DPYSL5: variants seen among roughly 807,000 people sequenced by gnomAD.
DPYSL5 encodes dihydropyrimidinase-related protein 5.
DPYSL5 carries 9 observed loss-of-function variants against 58.4 expected under a neutral mutation model. The observed-to-expected ratio is 0.15, with a 90% CI of 0.09 to 0.27. DPYSL5 has a LOEUF of 0.27. Among genes scored for constraint, DPYSL5 ranks in the 10% least tolerant of loss-of-function variants. The pLI, the probability that DPYSL5 is intolerant of heterozygous loss-of-function variation, is 1.00. For missense variants in DPYSL5, 499 were observed against 770.6 expected (o/e 0.65, Z 4.17); for synonymous variants, 293 against 301.9 (o/e 0.97, Z 0.31).
chr2:26,939,989 A>G, intron 8 of DPYSL5, 42 bp from the exon 9 acceptor site: 1 of 1,610,586 alleles, frequency 6.2e-7, no homozygotes, highest in Non-Finnish European at 8.5e-7. Context: ...TAAGTTCCTC[A>G]CCTCCCCTCC....
rs1413212270 is a variant in DPYSL5, at chr2:26,948,746, ACTGAGGAGG to A, written c.*1758_*1766del. The A allele has an allele frequency of 6.6e-6, 1 of 152,520 alleles. No individual in the cohort carries two copies. The highest frequency in any genetic ancestry group is 1.5e-5 in the Non-Finnish European group (1 of 68,298). 9.4% of individuals were successfully genotyped at this position (152,520 alleles called of 1,614,324 possible). The stretch of plus-strand genomic sequence containing the variant: ...GTGGCGGGCGCCTGTAGTCCCAGCT[ACTGAGGAGG>A]CTGAGGCAGGAGAATAGCGTGAACC... On this transcript the variant is annotated 3_prime_UTR_variant, in exon 13 of 13. Transcript: ENST00000288699.
chr2:26,897,915 G>A (rs554660843), intron 1 of DPYSL5, among the ~76,000 whole-genome samples: 2 of 152,206 alleles, frequency 1.3e-5, no homozygotes, highest in East Asian at 1.9e-4. Flanking sequence ...TGGACTTCTT[G>A]AAGCCAAAAT....
At chr2:26,906,047 A>G (rs543575041) in intron 2 of DPYSL5, among the ~76,000 whole-genome samples, 1 of 152,080 alleles carries the variant, frequency 6.6e-6, no homozygotes, top group South Asian at 2.1e-4. Flanking sequence ...CCTGGGGCGG[A>G]TCTCAGTGCC....
intron 1 of DPYSL5, among the ~76,000 whole-genome samples, chr2:26,861,840 C>T (rs1666026041): frequency 6.6e-6 from 1 of 152,150 alleles, no homozygotes; most frequent in African/African-American, 2.4e-5. Context: ...TAATAGGATA[C>T]AACAGGGGTG....
Position 26,927,598 on chromosome 2 carries a change from A to G in DPYSL5, c.600+166A>G, listed in dbSNP as rs1159068877. The stretch of plus-strand genomic sequence containing the variant: ...CTGTCAGATCTTGGTCAGAAAATCC[A>G]AACTTTACTACTGTCTGTAAAAAAC... On this transcript the variant is annotated intron_variant, in intron 4 of 12. Transcript: ENST00000288699. The surrounding 1 kb of genome is among the most constrained non-coding windows in gnomAD (Gnocchi z 4.3). Among the ~76,000 whole-genome samples the G allele has an allele frequency of 6.6e-6, 1 of 152,260 alleles. No individual in the cohort carries two copies. The highest frequency in any genetic ancestry group is 1.9e-4 in the East Asian group (1 of 5,202).
At chr2:26,938,732 T>C (rs2148172868) in intron 8 of DPYSL5, 1 of 152,310 alleles carries the variant, frequency 6.6e-6, no homozygotes, top group Non-Finnish European at 1.5e-5. Context: ...AGTGGGCATC[T>C]TAGATGGCCC....
intron 8 of DPYSL5, chr2:26,938,675 C>T (rs2148172808): frequency 6.6e-6 from 1 of 152,418 alleles, no homozygotes; most frequent in East Asian, 1.9e-4. Context: ...TAAGAATATG[C>T]TTCCTCACCA....
intron 6 of DPYSL5, among the ~76,000 whole-genome samples, chr2:26,932,208 A>AAAAGAAAGAAAGAAAG (rs144602360): frequency 7.1e-5 from 5 of 70,170 alleles, no homozygotes; most frequent in African/African-American, 2.9e-4. Flanking sequence ...AGAAAGAAAG[A>AAAAGAAAGAAAGAAAG]AAAGAAAGAA....
intron 5 of DPYSL5, among the ~76,000 whole-genome samples, chr2:26,928,687 G>GTGTGTATATATATATATATATATATATA (rs143828804): frequency 3.3e-5 from 2 of 60,682 alleles, no homozygotes; most frequent in African/African-American, 1.2e-4. Flanking sequence ...AGGTGATAGA[G>GTGTGTATATATATATATATATATATATA]TATATATATA....
At chr2:26,943,799 G>C (rs1665387772) in intron 11 of DPYSL5, among the ~76,000 whole-genome samples, 1 of 152,178 alleles carries the variant, frequency 6.6e-6, no homozygotes, top group Non-Finnish European at 1.5e-5. Flanking sequence ...TAGGCAGTCT[G>C]GTTGTAGAAT....
chr2:26,870,277 G>A (rs1349545311), intron 1 of DPYSL5, among the ~76,000 whole-genome samples: 1 of 152,072 alleles, frequency 6.6e-6, no homozygotes, highest in East Asian at 1.9e-4. Context: ...TTTTTATTGG[G>A]AATGGCATTT....
chr2:26,868,939 T>G (rs1281155650), intron 1 of DPYSL5, among the ~76,000 whole-genome samples: 1 of 152,152 alleles, frequency 6.6e-6, no homozygotes, highest in African/African-American at 2.4e-5. Flanking sequence ...TTTTATACTT[T>G]GAGAAGTTCT....
chr2:26,910,005 G>T (rs150294626), intron 2 of DPYSL5, among the ~76,000 whole-genome samples: 1 of 152,262 alleles, frequency 6.6e-6, no homozygotes, highest in African/African-American at 2.4e-5. Flanking sequence ...AAGTTTCTTT[G>T]TGTTCCTGTA....
Position 26,877,620 on chromosome 2 carries a change from C to T in DPYSL5, c.-4-20876C>T, listed in dbSNP as rs1663446687. Among the ~76,000 whole-genome samples the T allele has an allele frequency of 6.6e-6, 1 of 152,146 alleles. No individual in the cohort carries two copies. Among genetic ancestry groups the T allele is most frequent in the Non-Finnish European group, 1.5e-5 (1 of 68,036 alleles). ...CCTTTCCCCCTAAATAAGACACTGTCACACAATATCTTTTAACTCATCTGT... is the reference window on the plus strand; with the variant it reads ...CCTTTCCCCCTAAATAAGACACTGTTACACAATATCTTTTAACTCATCTGT... On this transcript the variant is annotated intron_variant, in intron 1 of 12. Transcript: ENST00000288699. This position sits in a 1 kb window ranked among gnomAD's most constrained non-coding sequence, Gnocchi z 4.1.
In DPYSL5 at chr2:26,924,249, T is replaced by C. The variant is rs921963019; in HGVS notation, c.262-638T>C. ...CACACATGCATCTAAAAAATGCCTG[T>C]CTCAAACAAGATAGATGAAAATGAA... On this transcript the variant is annotated intron_variant, in intron 2 of 12. Transcript: ENST00000288699. This position sits in a 1 kb window ranked among gnomAD's most constrained non-coding sequence, Gnocchi z 4.7. Among the ~76,000 whole-genome samples the C allele has an allele frequency of 1.2e-4, 18 of 152,254 alleles. No homozygotes were observed. Among genetic ancestry groups the C allele is most frequent in the African/African-American group, 3.6e-4 (15 of 41,566 alleles).
At chr2:26,930,538 AACTCG>A (rs1664944454) in intron 5 of DPYSL5, among the ~76,000 whole-genome samples, 1 of 152,192 alleles carries the variant, frequency 6.6e-6, no homozygotes, top group Non-Finnish European at 1.5e-5. Flanking sequence ...AGAATTACGC[AACTCG>A]GCTGGGTGCA....
At chr2:26,940,814 T>A (rs541283108) in intron 9 of DPYSL5, among the ~76,000 whole-genome samples, 1 of 152,142 alleles carries the variant, frequency 6.6e-6, no homozygotes, top group Non-Finnish European at 1.5e-5. Context: ...CTTTATTTAA[T>A]CCTTCCCTGA....
chr2:26,856,747 G>A (rs1012558014), intron 1 of DPYSL5, among the ~76,000 whole-genome samples: 2 of 151,712 alleles, frequency 1.3e-5, no homozygotes, highest in Admixed American at 6.6e-5. Context: ...ATACAATGCA[G>A]CTGTTTAAAC....
At chr2:26,865,312 CTTTTTTTTTTTTTTT>C (rs1192892146) in intron 1 of DPYSL5, among the ~76,000 whole-genome samples, 1 of 89,588 alleles carries the variant, frequency 1.1e-5, no homozygotes, top group Non-Finnish European at 2.1e-5. Flanking sequence ...GTTTTGTGTT[CTTTTTTTTTTTTTTT>C]TTTTTTTTTT....
Sources: gnomAD v4.1 joint callset for allele counts (sites outside exome capture counted in the v4.1 genomes callset) on GRCh38, gnomAD v4.1.1 for gene constraint, Gnocchi (gnomAD v3.1) non-coding constraint, MANE v1.5 for transcripts, NCBI Gene and HGNC (gene_info 2026-07-23, HGNC 2026-07-21) for gene names.